The following RIPOR2 variants were observed in gnomAD, a reference collection of about 807,000 sequenced individuals.
The protein encoded by RIPOR2 is RHO family interacting cell polarization regulator 2, also known as rho family-interacting cell polarization regulator 2.
A neutral mutation model predicts 114.5 loss-of-function variants in RIPOR2; 39 were observed. The ratio of observed to expected loss-of-function variants is 0.34; its 90% CI spans 0.26 to 0.44. RIPOR2 has a LOEUF of 0.44. Ranked by LOEUF, RIPOR2 falls within the 20% of genes least tolerant of loss-of-function variation. The pLI is 1.00. For missense variants in RIPOR2, 1,007 were observed against 1,255.1 expected (o/e 0.80, Z 2.99); for synonymous variants, 445 against 484.4 (o/e 0.92, Z 1.07).
At chr6:24,896,298 T>C (rs1336610461) in intron 1 of RIPOR2, among the ~76,000 whole-genome samples, 1 of 152,224 alleles carries the variant, frequency 6.6e-6, no homozygotes, top group Non-Finnish European at 1.5e-5. Flanking sequence ...CATAGGTCGC[T>C]ATGAAAATTA....
At position 24,932,281 on chromosome 6, in the gene RIPOR2, C is replaced by T. The variant is rs758616268; in HGVS notation, c.61+3557G>A. ...TTGAGAGTAACCATTTTCTAAATGA[C>T]GTGATGATGTTGTTAGGAAAGCAAA... On this transcript the variant is annotated intron_variant, in intron 1 of 21. Coordinates refer to ENST00000643898, the MANE Select transcript of RIPOR2 (RefSeq NM_001286445.3). Among the ~76,000 whole-genome samples the T allele has an allele frequency of 2.6e-5, 4 of 151,468 alleles. No homozygotes were observed. In the East Asian group the frequency reaches 5.8e-4, roughly 22 times the overall value.
intron 1 of RIPOR2, among the ~76,000 whole-genome samples, chr6:24,963,687 T>C (rs1003440789): frequency 3.3e-5 from 5 of 152,190 alleles, no homozygotes; most frequent in African/African-American, 9.6e-5. Context: ...AAGTTATGTA[T>C]AGCACAATTC....
rs1238113589 is a variant in RIPOR2 at position 24,811,336 on chromosome 6, C to T, written c.2953-1529G>A. ...GAAACCTCTGTCTCCTGGATTCAAGCGATTCTCCTGCCTCAGCCTCCCCAG... is the reference window on the plus strand; with the variant it reads ...GAAACCTCTGTCTCCTGGATTCAAGTGATTCTCCTGCCTCAGCCTCCCCAG... On this transcript the variant is annotated intron_variant, in intron 20 of 21. Transcript: ENST00000643898. Among the ~76,000 whole-genome samples, 4 of 132,676 alleles carry T rather than the reference C, an allele frequency of 3.0e-5. No homozygotes were observed. In the East Asian group the frequency reaches 7.0e-4, roughly 23 times the overall value. The allele number at this position is 132,676 out of a possible 152,430, so 87.0% of individuals were successfully genotyped here. A position where few individuals can be genotyped will look rare whatever the true frequency, so the allele number is the denominator to read the frequency against.
chr6:24,851,014 G>C (rs1330356834), intron 9 of RIPOR2, among the ~76,000 whole-genome samples: 1 of 151,796 alleles, frequency 6.6e-6, no homozygotes, highest in Non-Finnish European at 1.5e-5. Context: ...CCCTGCCTCA[G>C]CCTCCCAAGT....
At chr6:24,875,902 G>A in intron 1 of RIPOR2, 85 bp from the exon 2 acceptor site, 1 of 1,303,816 alleles carries the variant, frequency 7.7e-7, no homozygotes, top group Non-Finnish European at 1.1e-6. Context: ...GATAAAGGAT[G>A]TAAAGTAAGC....
intron 1 of RIPOR2, among the ~76,000 whole-genome samples, chr6:25,025,313 A>G (rs192695408): frequency 2.3e-3 from 350 of 152,290 alleles, no homozygotes; most frequent in African/African-American, 5.8e-3. Flanking sequence ...ACAAATTCTA[A>G]TAAGTGTCTG....
chr6:24,880,966 AG>A (rs1380458420), intron 1 of RIPOR2, among the ~76,000 whole-genome samples: 1 of 152,178 alleles, frequency 6.6e-6, no homozygotes, highest in Non-Finnish European at 1.5e-5. Flanking sequence ...AACTCAGGCC[AG>A]GTGCAGTGGC....
rs762073838 is a variant in RIPOR2, at chr6:24,843,021, A to G, written c.1698T>C (p.Gly566=). The change falls in exon 13 of 22, where the codon GGT becomes GGC. Residue 566 remains glycine, a synonymous_variant. Coordinates refer to ENST00000643898, the MANE Select transcript of RIPOR2 (RefSeq NM_001286445.3). ...PMATDRLLSE[G]SVGGESEGCR... ...AGCCTTCAGATTCTCCACCAACAGA[A>G]CCCTCAGAGAGCAGCCTGTCTGTGG... The G allele has an allele frequency of 6.2e-7, 1 of 1,604,186 alleles. No individual in the cohort carries two copies. The highest frequency in any genetic ancestry group is 1.7e-5 in the Admixed American group (1 of 58,886).
intron 1 of RIPOR2, among the ~76,000 whole-genome samples, chr6:24,887,741 G>A (rs1158627370): frequency 6.6e-6 from 1 of 152,142 alleles, no homozygotes. Flanking sequence ...TCTATTCATT[G>A]GGACAGTCAA....
chr6:24,868,981 G>C, intron 6 of RIPOR2, 113 bp downstream of exon 6: 1 of 582,092 alleles, frequency 1.7e-6, no homozygotes, highest in Non-Finnish European at 3.1e-6. Context: ...GTCAGCTTAG[G>C]AGTCAATTGG....
chr6:24,839,354 C>A (rs753287575), intron 13 of RIPOR2, 82 bp from the exon 14 acceptor site: 42 of 1,455,014 alleles, frequency 2.9e-5, no homozygotes, highest in Non-Finnish European at 3.7e-5. Context: ...TTGGAGATGC[C>A]ACACTTTTTT....
chr6:24,895,955 C>T (rs1767831764), intron 1 of RIPOR2, among the ~76,000 whole-genome samples: 1 of 152,166 alleles, frequency 6.6e-6, no homozygotes, highest in Non-Finnish European at 1.5e-5. Context: ...CGCACCACTG[C>T]ACTCCAGCCT....
intron 21 of RIPOR2, among the ~76,000 whole-genome samples, chr6:24,807,599 C>G (rs1780854466): frequency 1.3e-5 from 2 of 152,146 alleles, no homozygotes; most frequent in Non-Finnish European, 1.5e-5. Flanking sequence ...CAAGGAGCAG[C>G]TATCCTCAAA....
At chr6:24,968,605 C>T (rs1330016617) in intron 1 of RIPOR2, among the ~76,000 whole-genome samples, 1 of 152,194 alleles carries the variant, frequency 6.6e-6, no homozygotes, top group Non-Finnish European at 1.5e-5. Context: ...GAGAGGTTGC[C>T]ACTGGCATCT....
At chr6:24,893,652 A>G (rs1218038712) in intron 1 of RIPOR2, among the ~76,000 whole-genome samples, 1 of 152,206 alleles carries the variant, frequency 6.6e-6, no homozygotes, top group Non-Finnish European at 1.5e-5. Flanking sequence ...AATAAATTCC[A>G]GATCTACCTA....
In RIPOR2 at chr6:24,828,234, C is replaced by T. The variant is rs1562226469; in HGVS notation, c.2568G>A (p.Leu856=). 6.4e-7 allele frequency: 1 copy of T among 1,551,268 alleles called. No homozygotes were observed. Among genetic ancestry groups the T allele is most frequent in the African/African-American group, 1.4e-5 (1 of 73,014 alleles). The change falls in exon 18 of 22, where the codon CTG becomes CTA. Residue 856 remains leucine (L), a synonymous_variant. Transcript: ENST00000643898. ...DRAEPLLSSS[L]SSEVVTVFQY... ...GGAAAACAGTGACGACTTCCGAGGA[C>T]AGGCTGGAGGAAAGCAGAGGCTCAG...
chr6:24,938,982 A>T (rs1227842876), upstream of RIPOR2, among the ~76,000 whole-genome samples: 1 of 152,232 alleles, frequency 6.6e-6, no homozygotes, highest in Non-Finnish European at 1.5e-5. Flanking sequence ...TGGTATAATT[A>T]TATTTATATG....
At chr6:24,847,691 T>A in intron 12 of RIPOR2, 3 of 1,546,554 alleles carry the variant, frequency 1.9e-6, no homozygotes, top group Non-Finnish European at 2.6e-6. Context: ...TGCAGCCACC[T>A]CTTCAGAAGT....
At position 25,005,196 on chromosome 6, in the gene RIPOR2, C is replaced by G. The variant is rs539954620; in HGVS notation, c.76+36655G>C. On this transcript the variant is annotated intron_variant, in intron 1 of 13. Transcript: ENST00000510784. ...TGGAGTGGCTACTCCTGCAGTAACA[C>G]TTCACACTGTTGTGGTCACCAGAGG... 2.0e-5 allele frequency among the ~76,000 whole-genome samples: 3 copies of G among 152,316 alleles called. No individual in the cohort carries two copies. The East Asian group carries it at 5.8e-4, about 29-fold the overall frequency.
Sources: gnomAD v4.1 joint callset for allele counts (sites outside exome capture counted in the v4.1 genomes callset) on GRCh38, gnomAD v4.1.1 for gene constraint, MANE v1.5 for transcripts, NCBI Gene and HGNC (gene_info 2026-07-23, HGNC 2026-07-21) for gene names.